NRXN1: variants seen among roughly 807,000 people sequenced by gnomAD.
NRXN1 encodes the protein neurexin-1.
A neutral mutation model predicts 150.9 loss-of-function variants in NRXN1; 39 were observed. The observed-to-expected ratio is 0.26, with a 90% CI of 0.20 to 0.34. NRXN1 has a LOEUF of 0.34. NRXN1 is among the 10% of genes least tolerant of loss of function. The pLI, the probability that NRXN1 is intolerant of heterozygous loss-of-function variation, is 1.00. For synonymous variants in NRXN1, 924 were observed against 757.0 expected, an observed-to-expected ratio of 1.22 and a Z score of -3.62; for missense variants, 1,815 against 1,949.9, an observed-to-expected ratio of 0.93 and a Z score of 1.30.
chr2:49,921,662 C>G lies in NRXN1; in HGVS notation c.*282G>C. ...TATGAATGCGTGCGGTCATCACTGTCTTTTAGAAATGTTCCAGCAACATAA... is the reference window on the plus strand; with the variant it reads ...TATGAATGCGTGCGGTCATCACTGTGTTTTAGAAATGTTCCAGCAACATAA... On this transcript the variant is annotated 3_prime_UTR_variant, in exon 23 of 23. Coordinates refer to ENST00000401669, the MANE Select transcript of NRXN1 (RefSeq NM_001330078.2). 1 of 421,136 alleles carries G rather than the reference C, an allele frequency of 2.4e-6. No homozygotes were observed. The highest frequency in any genetic ancestry group is 4.3e-6 in the Non-Finnish European group (1 of 232,964). The allele number at this position is 421,136 out of a possible 1,614,324, so 26.1% of individuals were successfully genotyped here.
chr2:50,688,954 A>T (rs1228255273), intron 5 of NRXN1, among the ~76,000 whole-genome samples: 1 of 152,124 alleles, frequency 6.6e-6, no homozygotes, highest in African/African-American at 2.4e-5. Flanking sequence ...GAACACATTT[A>T]AGTGGATTCT....
chr2:50,577,656 A>G (rs1223994433), intron 8 of NRXN1, among the ~76,000 whole-genome samples: 1 of 152,090 alleles, frequency 6.6e-6, no homozygotes, highest in Non-Finnish European at 1.5e-5. Flanking sequence ...TGGGACATAT[A>G]TAAAGAAAAT....
At chr2:50,319,644 C>A (rs914024704) in intron 17 of NRXN1, among the ~76,000 whole-genome samples, 1 of 151,982 alleles carries the variant, frequency 6.6e-6, no homozygotes, top group Non-Finnish European at 1.5e-5. Flanking sequence ...CATGGAAGCA[C>A]CTGTGTGGAG....
At chr2:50,015,495 A>G (rs1686425977) in intron 21 of NRXN1, among the ~76,000 whole-genome samples, 1 of 149,824 alleles carries the variant, frequency 6.7e-6, no homozygotes, top group Admixed American at 6.7e-5. Context: ...TTTGGCTAGA[A>G]AAATAAACAG....
intron 19 of NRXN1, among the ~76,000 whole-genome samples, chr2:50,087,090 C>T (rs1698897679): frequency 6.6e-6 from 1 of 152,136 alleles, no homozygotes; most frequent in African/African-American, 2.4e-5. Context: ...ATTTCACAAT[C>T]TTACTGCACC....
intron 21 of NRXN1, among the ~76,000 whole-genome samples, chr2:50,024,489 TC>T (rs1379658172): frequency 6.6e-6 from 1 of 152,214 alleles, no homozygotes; most frequent in African/African-American, 2.4e-5. Context: ...GCTAACAGTT[TC>T]CTTTAAAGGG....
At chr2:50,083,075 C>T (rs1387085133) in intron 19 of NRXN1, among the ~76,000 whole-genome samples, 1 of 152,126 alleles carries the variant, frequency 6.6e-6, no homozygotes, top group East Asian at 1.9e-4. Context: ...CAAATTGGCC[C>T]TGTGATACTC....
intron 17 of NRXN1, among the ~76,000 whole-genome samples, chr2:50,428,345 G>T (rs2084671781): frequency 6.6e-6 from 1 of 152,126 alleles, no homozygotes; most frequent in African/African-American, 2.4e-5. Flanking sequence ...AGCCCAGAAG[G>T]TCGAAACAGC....
chr2:49,930,844 A>G (rs1669997434), intron 22 of NRXN1, among the ~76,000 whole-genome samples: 1 of 152,258 alleles, frequency 6.6e-6, no homozygotes, highest in East Asian at 1.9e-4. Context: ...CTAATCATTA[A>G]GAAAGTGTGA....
chr2:50,870,361 T>G (rs2106093117), intron 5 of NRXN1, among the ~76,000 whole-genome samples: 1 of 151,954 alleles, frequency 6.6e-6, no homozygotes, highest in South Asian at 2.1e-4. Flanking sequence ...TGGGTGCTCG[T>G]TATGTTGTCC....
intron 2 of NRXN1, among the ~76,000 whole-genome samples, chr2:51,016,824 A>G (rs1668734636): frequency 6.6e-6 from 1 of 152,152 alleles, no homozygotes; most frequent in African/African-American, 2.4e-5. Context: ...TTGCAGCACT[A>G]TGCACAATTG....
intron 17 of NRXN1, among the ~76,000 whole-genome samples, chr2:50,299,117 T>A (rs1238752843): frequency 6.6e-6 from 1 of 152,146 alleles, no homozygotes; most frequent in East Asian, 1.9e-4. Flanking sequence ...AAATGGCTTA[T>A]TTATGGATTT....
intron 5 of NRXN1, among the ~76,000 whole-genome samples, chr2:50,833,205 A>C (rs1671651974): frequency 6.6e-6 from 1 of 152,330 alleles, no homozygotes; most frequent in African/African-American, 2.4e-5. Context: ...ATGTGGAACA[A>C]CTAGAACTCT....
chr2:50,553,267 T>C (rs1276683557), intron 8 of NRXN1, among the ~76,000 whole-genome samples: 1 of 152,248 alleles, frequency 6.6e-6, no homozygotes, highest in Non-Finnish European at 1.5e-5. Context: ...CATGTGCATA[T>C]ACACACAAAC....
Position 51,027,686 on chromosome 2 carries a change from G to C in NRXN1, c.588C>G (p.Pro196=), listed in dbSNP as rs201644834. ...DVRVNSSQVL[P]VDSGEVKLDD... is the part of the protein sequence containing the mutation. ...CCAGCTTCACCTCGCCGCTGTCCAC[G>C]GGCAGGACCTGCGAGGAGTTGACCC... Residue 196 remains proline, a synonymous_variant, in exon 2 of 23, where the codon CCC becomes CCG. Coordinates refer to ENST00000401669, the MANE Select transcript of NRXN1 (RefSeq NM_001330078.2). 5 of 1,604,422 alleles carry C rather than the reference G, an allele frequency of 3.1e-6. No individual in the cohort carries two copies. Among genetic ancestry groups the C allele is most frequent in the East Asian group, 4.5e-5 (2 of 44,290 alleles).
intron 18 of NRXN1, among the ~76,000 whole-genome samples, chr2:50,182,374 T>C (rs1176295552): frequency 6.6e-6 from 1 of 152,106 alleles, no homozygotes; most frequent in Non-Finnish European, 1.5e-5. Flanking sequence ...CCTAGATTAG[T>C]GTCTGCGGGT....
chr2:50,041,979 G>A (rs976967195), intron 21 of NRXN1, among the ~76,000 whole-genome samples: 1 of 152,130 alleles, frequency 6.6e-6, no homozygotes, highest in Non-Finnish European at 1.5e-5. Flanking sequence ...CTCCTTCCTA[G>A]TCTTATGAGA....
chr2:50,010,783 C>T (rs1685528697), intron 21 of NRXN1, among the ~76,000 whole-genome samples: 3 of 152,228 alleles, frequency 2.0e-5, no homozygotes, highest in Middle Eastern at 6.8e-3. Flanking sequence ...TCCTGAGAAG[C>T]ACAACATAAA....
intron 18 of NRXN1, among the ~76,000 whole-genome samples, chr2:50,217,966 AT>A (rs2152852948): frequency 6.6e-6 from 1 of 152,052 alleles, no homozygotes; most frequent in East Asian, 1.9e-4. Flanking sequence ...TTGTATCTCA[AT>A]TTAGCTCATT....
Sources: gnomAD v4.1 joint callset for allele counts (sites outside exome capture counted in the v4.1 genomes callset) on GRCh38, gnomAD v4.1.1 for gene constraint, MANE v1.5 for transcripts, NCBI Gene and HGNC (gene_info 2026-07-23, HGNC 2026-07-21) for gene names.